Variants in GARNL3 observed in about 807,000 individuals in gnomAD.
The protein encoded by GARNL3 is GTPase activating Rap/RanGAP domain like 3.
A neutral mutation model predicts 125.0 loss-of-function variants in GARNL3; 63 were observed. The observed-to-expected ratio is 0.50, with a 90% CI of 0.41 to 0.62. The LOEUF is 0.62. Ranked by LOEUF, GARNL3 falls within the 20% of genes least tolerant of loss-of-function variation. The pLI, the probability that GARNL3 is intolerant of heterozygous loss-of-function variation, is 0.00. For synonymous variants in GARNL3, 439 were observed against 457.5 expected (o/e 0.96, Z 0.52); for missense variants, 994 against 1,244.0 (o/e 0.80, Z 3.02).
At chr9:127,356,214 G>A (rs1375882355) in intron 20 of GARNL3, among the ~76,000 whole-genome samples, 1 of 152,186 alleles carries the variant, frequency 6.6e-6, no homozygotes, top group African/African-American at 2.4e-5. Context: ...GAGGCCAAGG[G>A]TGGAAATAAG....
At chr9:127,302,357 C>T (rs2779718) in intron 2 of GARNL3, among the ~76,000 whole-genome samples, 123,901 of 152,136 alleles carry the variant, frequency 0.81, 51,089 homozygotes, top group African/African-American at 0.94. Flanking sequence ...ATTGCTAGGA[C>T]GTATATTGTA....
At chr9:127,254,743 T>A (rs1343993546) in intron 2 of GARNL3, among the ~76,000 whole-genome samples, 1 of 147,936 alleles carries the variant, frequency 6.8e-6, no homozygotes, top group Non-Finnish European at 1.5e-5. Flanking sequence ...CACTCCAGCC[T>A]GGGTGACAGA....
At chr9:127,231,789 C>T (rs1441443529) in intron 1 of GARNL3, among the ~76,000 whole-genome samples, 1 of 152,180 alleles carries the variant, frequency 6.6e-6, no homozygotes, top group African/African-American at 2.4e-5. Context: ...ATTGCTAATA[C>T]AGTTCTCAAA....
In GARNL3 at chr9:127,354,023, G is replaced by A. The variant is rs1035858186; in HGVS notation, c.1642+79G>A. ...TGCGGCCCACACCACAGGTCGCCAGGGTCTGACTGCATAAGTTCTGCCAGC... is the reference window on the plus strand; with the variant it reads ...TGCGGCCCACACCACAGGTCGCCAGAGTCTGACTGCATAAGTTCTGCCAGC... On this transcript the variant is annotated intron_variant, in intron 18 of 27. Coordinates refer to ENST00000373387, the MANE Select transcript of GARNL3 (RefSeq NM_032293.5). 11 of 929,000 alleles carry A rather than the reference G, an allele frequency of 1.2e-5. No individual in the cohort carries two copies. In the African/African-American group the frequency reaches 1.5e-4, roughly 13 times the overall value. 57.5% of individuals were successfully genotyped at this position (929,000 alleles called of 1,614,324 possible). A position where few individuals can be genotyped will look rare whatever the true frequency, so the allele number is the denominator to read the frequency against.
chr9:127,386,294 C>T (rs1832539048), intron 24 of GARNL3, among the ~76,000 whole-genome samples: 1 of 152,232 alleles, frequency 6.6e-6, no homozygotes, highest in African/African-American at 2.4e-5. Context: ...CTTTCAGCTT[C>T]TGTACCAGAC....
At chr9:127,237,003 G>A (rs1294272956) in intron 1 of GARNL3, among the ~76,000 whole-genome samples, 1 of 152,168 alleles carries the variant, frequency 6.6e-6, no homozygotes, top group African/African-American at 2.4e-5. Context: ...TTAGTAATCT[G>A]TTGCAGACAA....
chr9:127,344,327 T>C lies in GARNL3; in HGVS notation c.1344T>C (p.Val448=), dbSNP rs978835955. The change falls in exon 15 of 28, where the codon GTT becomes GTC. Residue 448 remains valine, a synonymous_variant. Coordinates refer to ENST00000373387, the MANE Select transcript of GARNL3 (RefSeq NM_032293.5). Reference sequence around the variant, plus strand: ...AGGAGGCCCGCCAGGCGGAGTTTGTTAGAATAGGGCAGGTGGGTTTTCTTC... The same window carrying C: ...AGGAGGCCCGCCAGGCGGAGTTTGTCAGAATAGGGCAGGTGGGTTTTCTTC... ...KKEEARQAEF[V]RIGQALKLKS... 6.2e-7 allele frequency: 1 copy of C among 1,612,752 alleles called. No individual in the cohort carries two copies. The highest frequency in any genetic ancestry group is 1.3e-5 in the African/African-American group (1 of 75,030).
At chr9:127,243,365 G>A in intron 2 of GARNL3, 1 of 764,618 alleles carries the variant, frequency 1.3e-6, no homozygotes. Flanking sequence ...TGGGGAGGGA[G>A]AGAGGAGTGG....
chr9:127,249,466 G>T (rs1380609026), intron 2 of GARNL3, among the ~76,000 whole-genome samples: 1 of 151,862 alleles, frequency 6.6e-6, no homozygotes, highest in Admixed American at 6.6e-5. Flanking sequence ...TGTGCCTGTG[G>T]TCTCAGCTAC....
In GARNL3 at chr9:127,393,269, A is replaced by G; in HGVS notation, c.*15A>G. 2 of 1,580,266 alleles carry G rather than the reference A, an allele frequency of 1.3e-6. No homozygotes were observed. Among genetic ancestry groups the G allele is most frequent in the Non-Finnish European group, 1.7e-6 (2 of 1,151,380 alleles). On this transcript the variant is annotated 3_prime_UTR_variant, in exon 28 of 28. Coordinates refer to ENST00000373387, the MANE Select transcript of GARNL3 (RefSeq NM_032293.5). Reference sequence around the variant, plus strand: ...ACTTGAAGTAACAGAGTTGAATCTCATTTGCCATCTTTAGTTTTCTTATGG... The same window carrying G: ...ACTTGAAGTAACAGAGTTGAATCTCGTTTGCCATCTTTAGTTTTCTTATGG...
chr9:127,282,483 T>C (rs1588749811), intron 1 of GARNL3, among the ~76,000 whole-genome samples: 1 of 152,292 alleles, frequency 6.6e-6, no homozygotes, highest in East Asian at 1.9e-4. Flanking sequence ...ATAAGGAAAC[T>C]AAAATTTAGA....
chr9:127,326,273 G>A (rs2065569396), intron 7 of GARNL3, among the ~76,000 whole-genome samples: 1 of 152,178 alleles, frequency 6.6e-6, no homozygotes, highest in African/African-American at 2.4e-5. Context: ...AAAGCACCAT[G>A]AGAGCGGAGA....
At chr9:127,301,554 T>C (rs1332305829) in intron 2 of GARNL3, among the ~76,000 whole-genome samples, 1 of 152,224 alleles carries the variant, frequency 6.6e-6, no homozygotes, top group Non-Finnish European at 1.5e-5. Context: ...AATCCTTCCT[T>C]ATACCATCTG....
chr9:127,301,924 A>ATT, intron 2 of GARNL3, among the ~76,000 whole-genome samples: 1 of 74,182 alleles, frequency 1.3e-5, no homozygotes, highest in Non-Finnish European at 2.6e-5. Flanking sequence ...CATTGGGAGG[A>ATT]CTTTTTTTTT....
At chr9:127,393,033 A>T (rs1317184956) in intron 27 of GARNL3, 50 bp from the exon 28 acceptor site, 1 of 1,449,040 alleles carries the variant, frequency 6.9e-7, no homozygotes, top group South Asian at 1.3e-5. Context: ...AAATAGGCCC[A>T]GTTCTGTGGT....
intron 2 of GARNL3, chr9:127,300,702 C>T (rs1348544088): frequency 6.4e-6 from 2 of 313,206 alleles, no homozygotes; most frequent in Non-Finnish European, 1.2e-5. Context: ...TGATCTGTCC[C>T]CCTCGGCCTC....
At chr9:127,369,837 T>G (rs1831511171) in intron 22 of GARNL3, among the ~76,000 whole-genome samples, 1 of 151,912 alleles carries the variant, frequency 6.6e-6, no homozygotes, top group African/African-American at 2.4e-5. Flanking sequence ...TGTAAGGCCA[T>G]GGGGGAAGCT....
At chr9:127,262,752 T>C (rs78644106), upstream of GARNL3, among the ~76,000 whole-genome samples, 412 of 152,328 alleles carry the variant, frequency 2.7e-3, 2 homozygotes, top group African/African-American at 9.3e-3. Flanking sequence ...TCAAAAGATA[T>C]ACAAATACCT....
At chr9:127,228,255 T>C (rs2062947214) in intron 1 of GARNL3, among the ~76,000 whole-genome samples, 1 of 152,252 alleles carries the variant, frequency 6.6e-6, no homozygotes, top group Admixed American at 6.5e-5. Context: ...TGTAAATCCA[T>C]GTGCATTTGT....
Sources: gnomAD v4.1 joint callset for allele counts (sites outside exome capture counted in the v4.1 genomes callset) on GRCh38, gnomAD v4.1.1 for gene constraint, MANE v1.5 for transcripts, NCBI Gene and HGNC (gene_info 2026-07-23, HGNC 2026-07-21) for gene names.